ADAMTSL1: variants seen among roughly 807,000 people sequenced by gnomAD.
ADAMTSL1 encodes the protein ADAMTS like 1.
In ADAMTSL1, 126 loss-of-function variants were observed where a neutral mutation model predicts 201.8. That is an observed-to-expected ratio of 0.62 (90% CI 0.54 to 0.72). ADAMTSL1 has a LOEUF of 0.72. Among genes scored for constraint, ADAMTSL1 ranks in the 30% least tolerant of loss-of-function variants. The pLI is 0.00. For synonymous variants in ADAMTSL1, 1,121 were observed against 903.4 expected (o/e 1.24, Z -4.32); for missense variants, 2,679 against 2,277.8 (o/e 1.18, Z -3.59).
At chr9:18,869,819 GA>G (rs1430406120) in intron 23 of ADAMTSL1, among the ~76,000 whole-genome samples, 1 of 152,068 alleles carries the variant, frequency 6.6e-6, no homozygotes, top group Non-Finnish European at 1.5e-5. Context: ...AAACTTTTTA[GA>G]ACTTTCAGAT....
Position 18,777,157 on chromosome 9 carries a change from T to C in ADAMTSL1, c.2928T>C (p.Ser976=), listed in dbSNP as rs1563791319. The change falls in exon 19 of 29, where the codon AGT becomes AGC. Residue 976 remains serine, a synonymous_variant. Transcript: ENST00000380548. ...TGGCCCGGCCCTTGAGCCCGAGAAG[T>C]GAGGAAGAGGTGCTTGCGGGGAGGA... ...KLVARPLSPR[S]EEEVLAGRKG... is the part of the protein sequence containing the mutation. The C allele has an allele frequency of 1.2e-6, 2 of 1,612,366 alleles. No individual in the cohort carries two copies. The highest frequency in any genetic ancestry group is 8.5e-7 in the Non-Finnish European group (1 of 1,179,614).
intron 2 of ADAMTSL1, among the ~76,000 whole-genome samples, chr9:18,346,628 C>T (rs554010878): frequency 1.3e-5 from 2 of 152,296 alleles, no homozygotes; most frequent in Admixed American, 1.3e-4. Context: ...TGCTTGACTA[C>T]ATTGCACACA....
intron 2 of ADAMTSL1, among the ~76,000 whole-genome samples, chr9:18,434,787 C>G (rs1288623164): frequency 1.3e-5 from 2 of 152,180 alleles, no homozygotes; most frequent in East Asian, 3.9e-4. Flanking sequence ...CTACCTCTCC[C>G]ATCTCATTTA....
At chr9:18,101,825 G>A (rs9298788) in intron 1 of ADAMTSL1, among the ~76,000 whole-genome samples, 65,882 of 152,028 alleles carry the variant, frequency 0.43, 14,642 homozygotes, top group African/African-American at 0.5. Flanking sequence ...TCTAGTGTGC[G>A]TATGCAGGTA....
chr9:18,774,176 A>T (rs973191957), intron 17 of ADAMTSL1, among the ~76,000 whole-genome samples: 4 of 152,104 alleles, frequency 2.6e-5, no homozygotes, highest in Middle Eastern at 3.4e-3. Flanking sequence ...CCTGCCTCCC[A>T]TCCATCTCCT....
intron 2 of ADAMTSL1, among the ~76,000 whole-genome samples, chr9:18,446,901 A>T (rs748165312): frequency 6.6e-6 from 1 of 152,144 alleles, no homozygotes; most frequent in Non-Finnish European, 1.5e-5. Flanking sequence ...CTATAAAGGC[A>T]GTCAGAAGTG....
chr9:18,068,902 G>T (rs143751543), intron 1 of ADAMTSL1, among the ~76,000 whole-genome samples: 30 of 152,316 alleles, frequency 2.0e-4, no homozygotes, highest in African/African-American at 7.0e-4. Context: ...CCTAGAAGAG[G>T]TTACCTAACT....
intron 2 of ADAMTSL1, among the ~76,000 whole-genome samples, chr9:18,530,151 A>G (rs1179715367): frequency 1.3e-5 from 2 of 152,168 alleles, no homozygotes; most frequent in Admixed American, 6.6e-5. Flanking sequence ...GAGCTTTTGT[A>G]CATTATTTCA....
rs953937042 is a variant in ADAMTSL1 at position 18,819,994 on chromosome 9, A to G, written c.3934+2757A>G. Among the ~76,000 whole-genome samples, 4 of 152,132 alleles carry G rather than the reference A, an allele frequency of 2.6e-5. No homozygotes were observed. In the East Asian group the frequency reaches 7.7e-4, roughly 29 times the overall value. On this transcript the variant is annotated intron_variant, in intron 21 of 28. Coordinates refer to ENST00000380548, the MANE Select transcript of ADAMTSL1 (RefSeq NM_001040272.6). ...TAAGGCTCTTTCCTTACTCTTGGTC[A>G]CCTCTATCCCATTCCCAGTCAGGCA...
chr9:18,137,946 G>A (rs1189012366), intron 1 of ADAMTSL1, among the ~76,000 whole-genome samples: 1 of 152,092 alleles, frequency 6.6e-6, no homozygotes, highest in Non-Finnish European at 1.5e-5. Context: ...TTATTGTTAG[G>A]TGAAGGATCT....
intron 2 of ADAMTSL1, among the ~76,000 whole-genome samples, chr9:18,239,197 A>C (rs1307413395): frequency 6.6e-6 from 1 of 152,130 alleles, no homozygotes; most frequent in Non-Finnish European, 1.5e-5. Flanking sequence ...TAGCTGTAAT[A>C]ATACCTTAAG....
At chr9:18,078,135 T>G (rs941693820) in intron 1 of ADAMTSL1, among the ~76,000 whole-genome samples, 1 of 152,192 alleles carries the variant, frequency 6.6e-6, no homozygotes, top group Non-Finnish European at 1.5e-5. Context: ...GAGAGCCCAT[T>G]TGGGGCTTGT....
chr9:18,010,255 G>C (rs1819996705), intron 1 of ADAMTSL1, among the ~76,000 whole-genome samples: 1 of 152,018 alleles, frequency 6.6e-6, no homozygotes, highest in African/African-American at 2.4e-5. Flanking sequence ...GCCCTGCATA[G>C]TAGAAAAATT....
chr9:18,653,465 C>A (rs1462070923), intron 7 of ADAMTSL1, among the ~76,000 whole-genome samples: 1 of 152,136 alleles, frequency 6.6e-6, no homozygotes, highest in East Asian at 1.9e-4. Flanking sequence ...GGGTTGTGGG[C>A]AGCATTAATC....
intron 1 of ADAMTSL1, among the ~76,000 whole-genome samples, chr9:18,097,667 G>T (rs1047041699): frequency 1.3e-5 from 2 of 151,984 alleles, no homozygotes; most frequent in African/African-American, 4.8e-5. Flanking sequence ...GGTTCTAGTT[G>T]GCATTTTCCT....
At chr9:18,480,665 T>C (rs1241085673) in intron 1 of ADAMTSL1, among the ~76,000 whole-genome samples, 1 of 152,196 alleles carries the variant, frequency 6.6e-6, no homozygotes, top group Non-Finnish European at 1.5e-5. Flanking sequence ...TGCCAGTACT[T>C]ACTCATAAGT....
At chr9:18,486,564 G>T (rs1267914281) in intron 1 of ADAMTSL1, among the ~76,000 whole-genome samples, 1 of 152,118 alleles carries the variant, frequency 6.6e-6, no homozygotes, top group African/African-American at 2.4e-5. Flanking sequence ...AATTGGACAG[G>T]CATGGTAGTG....
chr9:18,572,469 C>T (rs984679011), intron 3 of ADAMTSL1, among the ~76,000 whole-genome samples: 1 of 152,054 alleles, frequency 6.6e-6, no homozygotes, highest in African/African-American at 2.4e-5. Context: ...TTGCTGGGTG[C>T]CTGTGTATCT....
At chr9:18,095,423 T>C (rs1256094816) in intron 1 of ADAMTSL1, among the ~76,000 whole-genome samples, 1 of 120,278 alleles carries the variant, frequency 8.3e-6, no homozygotes, top group Non-Finnish European at 1.6e-5. Context: ...TTTCTTTTTT[T>C]TTTTTTTTTT....
Sources: gnomAD v4.1 joint callset for allele counts (sites outside exome capture counted in the v4.1 genomes callset) on GRCh38, gnomAD v4.1.1 for gene constraint, MANE v1.5 for transcripts, NCBI Gene and HGNC (gene_info 2026-07-23, HGNC 2026-07-21) for gene names.